The following GATA6 variants were observed in gnomAD, a reference collection of about 807,000 sequenced individuals.
GATA6 encodes GATA binding protein 6.
GATA6 carries 11 observed loss-of-function variants against 48.1 expected under a neutral mutation model. That is an observed-to-expected ratio of 0.23 (90% CI 0.14 to 0.38). GATA6 has a LOEUF of 0.38. GATA6 is among the 10% of genes least tolerant of loss of function. GATA6 has a pLI of 1.00. For synonymous variants in GATA6, 419 were observed against 396.1 expected (o/e 1.06, Z -0.69); for missense variants, 795 against 850.3 (o/e 0.93, Z 0.81).
intron 6 of GATA6, among the ~76,000 whole-genome samples, chr18:22,189,229 C>T (rs1313051320): frequency 6.6e-6 from 1 of 152,158 alleles, no homozygotes; most frequent in Non-Finnish European, 1.5e-5. Flanking sequence ...GTGCTTGTGG[C>T]CAACAGCAGT....
At chr18:22,198,201 C>T (rs9958495) in intron 6 of GATA6, among the ~76,000 whole-genome samples, 14 of 152,046 alleles carry the variant, frequency 9.2e-5, no homozygotes, top group African/African-American at 3.1e-4. Context: ...CCTTCCATCT[C>T]GGCTCCCCAA....
rs985111567 is a variant in GATA6 at position 22,202,183 on chromosome 18, T to G, written c.*1360T>G. 5 of 152,336 alleles carry G rather than the reference T, an allele frequency of 3.3e-5. No individual in the cohort carries two copies. Among genetic ancestry groups the G allele is most frequent in the African/African-American group, 1.2e-4 (5 of 41,584 alleles). 9.4% of individuals were successfully genotyped at this position (152,336 alleles called of 1,614,324 possible). ...ATGGGGTTAGTTACTACTCTCCATG[T>G]GCATTGGGGACAGTTTTTATAAGTG... On this transcript the variant is annotated 3_prime_UTR_variant, in exon 7 of 7. Transcript: ENST00000269216.
intron 6 of GATA6, among the ~76,000 whole-genome samples, chr18:22,190,192 T>C (rs1218935409): frequency 6.6e-6 from 1 of 152,200 alleles, no homozygotes; most frequent in East Asian, 1.9e-4. Context: ...TTTAAGACAG[T>C]TAATGCAAAT....
rs780228139 is a variant in GATA6, at chr18:22,177,007, C to T, written c.1188C>T (p.Ile396=). 1.9e-6 allele frequency: 3 copies of T among 1,576,938 alleles called. No individual in the cohort carries two copies. Among genetic ancestry groups the T allele is most frequent in the Non-Finnish European group, 2.6e-6 (3 of 1,163,278 alleles). The stretch of plus-strand genomic sequence containing the variant: ...GCGAGTGCGTGAACTGCGGCTCCAT[C>T]CAGACGCCGCTGTGGCGGCGGGACG... ...ESRECVNCGS[I]QTPLWRRDGT... Residue 396 remains isoleucine, a synonymous_variant, in exon 3 of 7, where the codon ATC becomes ATT. Coordinates refer to ENST00000269216, the MANE Select transcript of GATA6 (RefSeq NM_005257.6).
intron 6 of GATA6, among the ~76,000 whole-genome samples, chr18:22,190,437 A>G (rs371454068): frequency 1.3e-5 from 2 of 152,234 alleles, no homozygotes; most frequent in African/African-American, 4.8e-5. Flanking sequence ...TCAGAATGTT[A>G]AAATTGTCTT....
At chr18:22,197,897 C>T (rs892442986) in intron 6 of GATA6, among the ~76,000 whole-genome samples, 6 of 152,074 alleles carry the variant, frequency 3.9e-5, no homozygotes, top group African/African-American at 1.4e-4. Flanking sequence ...CTGTCTCAGC[C>T]ACTCATTTGT....
chr18:22,172,317 A>C lies in GATA6; in HGVS notation c.1135+38A>C. On this transcript the variant is annotated intron_variant, in intron 2 of 6. Coordinates refer to ENST00000269216, the MANE Select transcript of GATA6 (RefSeq NM_005257.6). This position sits in a 1 kb window ranked among gnomAD's most constrained non-coding sequence, Gnocchi z 5.2. ...CCTCAGGTTCGGGGTGCGGGTCCAA[A>C]GCGCTGGGGCGCACGGGGGACGTGG... 1 of 1,519,566 alleles carries C rather than the reference A, an allele frequency of 6.6e-7. No individual in the cohort carries two copies. The highest frequency in any genetic ancestry group is 1.4e-5 in the African/African-American group (1 of 72,626). 94.1% of individuals were successfully genotyped at this position (1,519,566 alleles called of 1,614,324 possible). A position where few individuals can be genotyped will look rare whatever the true frequency, so the allele number is the denominator to read the frequency against.
At chr18:22,184,826 C>T (rs73390825) in intron 6 of GATA6, among the ~76,000 whole-genome samples, 3,791 of 152,184 alleles carry the variant, frequency 0.025, 160 homozygotes, top group African/African-American at 0.086. Flanking sequence ...ATGCCGTAGT[C>T]CTCAGGAGCA....
intron 6 of GATA6, among the ~76,000 whole-genome samples, chr18:22,200,198 T>TGTGTGTGTGTGCGCGCGCACGCATGC (rs1555630696): frequency 1.4e-5 from 2 of 146,992 alleles, no homozygotes; most frequent in African/African-American, 5.1e-5. Flanking sequence ...TGTGTGTGTG[T>TGTGTGTGTGTGCGCGCGCACGCATGC]GTGCGCGCGC....
chr18:22,189,494 A>G (rs1383480639), intron 6 of GATA6, among the ~76,000 whole-genome samples: 3 of 151,346 alleles, frequency 2.0e-5, no homozygotes, highest in Non-Finnish European at 4.4e-5. Flanking sequence ...TTTTTTTTTG[A>G]TTTACTGTGC....
Position 22,172,257 on chromosome 18 carries a change from G to A in GATA6, c.1113G>A (p.Pro371=). Residue 371 remains proline (P), a synonymous_variant, in exon 2 of 7, where the codon CCG becomes CCA. Transcript: ENST00000269216. The surrounding 1 kb of genome is among the most constrained non-coding windows in gnomAD (Gnocchi z 5.2). ...SLQSRAGAPL[P]VPRGPSADLL... is the part of the protein sequence containing the mutation. ...AGAGCCGCGCCGGAGCCCCGCTCCC[G>A]GTGCCCCGGGGTCCCAGTGCAGGTA... 1 of 1,533,362 alleles carries A rather than the reference G, an allele frequency of 6.5e-7. No individual in the cohort carries two copies. Among genetic ancestry groups the A allele is most frequent in the Non-Finnish European group, 8.7e-7 (1 of 1,146,104 alleles). 95.0% of individuals were successfully genotyped at this position (1,533,362 alleles called of 1,614,324 possible).
In GATA6 at chr18:22,171,633, C is replaced by T. The variant is rs1471635327; in HGVS notation, c.489C>T (p.Asp163=). The T allele has an allele frequency of 6.3e-7, 1 of 1,591,898 alleles. No individual in the cohort carries two copies. Among genetic ancestry groups the T allele is most frequent in the Admixed American group, 1.7e-5 (1 of 59,152 alleles). The change falls in exon 2 of 7, where the codon GAC becomes GAT. Residue 163 remains aspartate (D), a synonymous_variant. Transcript: ENST00000269216. The surrounding 1 kb of genome is among the most constrained non-coding windows in gnomAD (Gnocchi z 7.1). ...CCAGCCAGGGTCCGGCCGCCTACGA[C>T]GGCGCGCCCGGCGGCTTCGTGCACT... is the stretch of plus-strand genomic sequence containing the variant. ...ALSSQGPAAY[D]GAPGGFVHSA... is the part of the protein sequence containing the mutation.
Position 22,172,158 on chromosome 18 carries a change from G to A in GATA6, c.1014G>A (p.Ser338=). ...HHHHHHPSPY[S]PYVGAPLTPA... is the part of the protein sequence containing the mutation. The stretch of plus-strand genomic sequence containing the variant: ...ACCACCACCATCCGAGCCCCTACTC[G>A]CCCTACGTGGGGGCGCCACTGACGC... Residue 338 remains serine, a synonymous_variant, in exon 2 of 7, where the codon TCG becomes TCA. Coordinates refer to ENST00000269216, the MANE Select transcript of GATA6 (RefSeq NM_005257.6). The surrounding 1 kb of genome is among the most constrained non-coding windows in gnomAD (Gnocchi z 5.2). 1.4e-6 allele frequency: 2 copies of A among 1,438,588 alleles called. No homozygotes were observed. Among genetic ancestry groups the A allele is most frequent in the Non-Finnish European group, 1.8e-6 (2 of 1,087,094 alleles). The allele number at this position is 1,438,588 out of a possible 1,614,324, so 89.1% of individuals were successfully genotyped here. A position where few individuals can be genotyped will look rare whatever the true frequency, so the allele number is the denominator to read the frequency against.
At chr18:22,193,515 G>T (rs1485832201) in intron 6 of GATA6, among the ~76,000 whole-genome samples, 1 of 152,206 alleles carries the variant, frequency 6.6e-6, no homozygotes, top group East Asian at 1.9e-4. Context: ...AAGCAGAGAA[G>T]AGCTTTGGCA....
chr18:22,189,581 A>G (rs988528604), intron 6 of GATA6, among the ~76,000 whole-genome samples: 4 of 152,212 alleles, frequency 2.6e-5, no homozygotes, highest in Non-Finnish European at 5.9e-5. Context: ...TGCTGTGCTT[A>G]TACTGTTAAG....
chr18:22,194,088 C>A (rs1233393380), intron 6 of GATA6, among the ~76,000 whole-genome samples: 1 of 151,590 alleles, frequency 6.6e-6, no homozygotes, highest in African/African-American at 2.4e-5. Flanking sequence ...AAAAAAAATT[C>A]TAGGTGATCT....
Position 22,173,046 on chromosome 18 carries a change from C to G in GATA6, c.1135+767C>G, listed in dbSNP as rs201559516. Among the ~76,000 whole-genome samples the G allele has an allele frequency of 2.0e-5, 3 of 152,324 alleles. No homozygotes were observed. The East Asian group carries it at 5.8e-4, about 29-fold the overall frequency. ...TCCTGGAGCTGGGGCACCTATTCTCCCTTCGAAGTTTAGCCCGCCAATTTT... is the reference window on the plus strand; with the variant it reads ...TCCTGGAGCTGGGGCACCTATTCTCGCTTCGAAGTTTAGCCCGCCAATTTT... On this transcript the variant is annotated intron_variant, in intron 2 of 6. Transcript: ENST00000269216.
At chr18:22,176,010 A>C (rs2033117270) in intron 2 of GATA6, among the ~76,000 whole-genome samples, 1 of 152,182 alleles carries the variant, frequency 6.6e-6, no homozygotes, top group African/African-American at 2.4e-5. Flanking sequence ...CCTTCTTGAG[A>C]AGTAATAAAT....
chr18:22,176,780 A>G (rs2033126330), intron 2 of GATA6, 175 bp from the exon 3 acceptor site: 1 of 682,712 alleles, frequency 1.5e-6, no homozygotes, highest in Non-Finnish European at 2.4e-6. Flanking sequence ...CAGTGGAGCA[A>G]TAGTGACGAA....
Sources: allele counts gnomAD v4.1 joint callset (sites outside exome capture counted in the v4.1 genomes callset), GRCh38; gene constraint gnomAD v4.1.1; non-coding constraint Gnocchi (gnomAD v3.1); transcripts MANE v1.5; gene names NCBI Gene and HGNC (gene_info 2026-07-23, HGNC 2026-07-21).